Variants in PCDHA10 observed in about 807,000 individuals in gnomAD.
The protein encoded by PCDHA10 is protocadherin alpha-10.
A neutral mutation model predicts 61.2 loss-of-function variants in PCDHA10; 45 were observed. The ratio of observed to expected loss-of-function variants is 0.74; its 90% CI spans 0.58 to 0.94. The LOEUF (loss-of-function observed/expected upper bound fraction) is 0.94. Among genes scored for constraint, PCDHA10 ranks in the 40% least tolerant of loss-of-function variants. PCDHA10 has a pLI of 0.00. For synonymous variants in PCDHA10, 602 were observed against 548.8 expected (o/e 1.10, Z -1.35); for missense variants, 1,278 against 1,236.2 (o/e 1.03, Z -0.51).
intron 1 of PCDHA10, among the ~76,000 whole-genome samples, chr5:140,914,671 A>G (rs1012780806): frequency 2.6e-5 from 4 of 151,552 alleles, no homozygotes; most frequent in Non-Finnish European, 4.4e-5. Context: ...CTTCTTTTTC[A>G]TGAAAATAAT....
intron 1 of PCDHA10, among the ~76,000 whole-genome samples, chr5:140,935,339 A>G (rs1048024159): frequency 1.3e-5 from 2 of 152,180 alleles, no homozygotes; most frequent in Admixed American, 6.5e-5. Context: ...TTTCTCCCAT[A>G]CGTCAAATCC....
intron 1 of PCDHA10, chr5:140,968,903 A>G: frequency 6.2e-7 from 1 of 1,614,216 alleles, no homozygotes; most frequent in Non-Finnish European, 8.5e-7. Context: ...AATAGCATTA[A>G]GCACAGTGTC....
At chr5:140,996,355 G>A (rs1164124431) in intron 3 of PCDHA10, among the ~76,000 whole-genome samples, 1 of 152,218 alleles carries the variant, frequency 6.6e-6, no homozygotes, top group Non-Finnish European at 1.5e-5. Flanking sequence ...ACCAAAGTCA[G>A]AAGCCATTTT....
At chr5:140,863,396 G>C (rs782335492) in intron 1 of PCDHA10, 1 of 872,572 alleles carries the variant, frequency 1.1e-6, no homozygotes, top group Non-Finnish European at 1.8e-6. Context: ...TGCATGCCGG[G>C]CAAGCCCACG....
chr5:140,928,399 T>C (rs1554205848), intron 1 of PCDHA10: 1 of 1,613,926 alleles, frequency 6.2e-7, no homozygotes, highest in African/African-American at 1.3e-5. Flanking sequence ...AGTGGAATCA[T>C]CCAGTGGGGC....
In PCDHA10 at chr5:140,856,768, C is replaced by G; in HGVS notation, c.720C>G (p.Ile240Met). 1.3e-6 allele frequency: 2 copies of G among 1,596,818 alleles called. 1 individual carries two copies. The part of the protein sequence containing the change: ...LVLDANDNAP[I>M]FDRPVYEVKM... ...TAGATGCCAATGATAACGCCCCTAT[C>G]TTTGACAGACCGGTTTATGAAGTTA... The change falls in exon 1 of 4, where the codon ATC becomes ATG. Residue 240 changes from isoleucine to methionine, a missense_variant. Physicochemically the swap from Ile to Met is conservative, Grantham distance 10. Coordinates refer to ENST00000307360, the MANE Select transcript of PCDHA10 (RefSeq NM_018901.4).
At position 140,982,360 on chromosome 5, in the gene PCDHA10, A is replaced by G. The variant is rs1016027722; in HGVS notation, c.2448-115A>G. 59 of 1,527,040 alleles carry G rather than the reference A, an allele frequency of 3.9e-5. No individual in the cohort carries two copies. In the Admixed American group the frequency reaches 8.5e-4, roughly 22 times the overall value. 94.6% of individuals were successfully genotyped at this position (1,527,040 alleles called of 1,614,324 possible). ...TAATTGCTTCAGTTCAAGCATGAGC[A>G]GAATGTGTTAGCTGCAGCCCTGGCT... On this transcript the variant is annotated intron_variant, in intron 2 of 3. Coordinates refer to ENST00000307360, the MANE Select transcript of PCDHA10 (RefSeq NM_018901.4).
At chr5:140,926,129 G>C (rs2082926412) in intron 1 of PCDHA10, among the ~76,000 whole-genome samples, 1 of 152,178 alleles carries the variant, frequency 6.6e-6, no homozygotes, top group African/African-American at 2.4e-5. Flanking sequence ...ACTTCAACCC[G>C]CAGCAGGATC....
intron 1 of PCDHA10, among the ~76,000 whole-genome samples, chr5:140,936,603 C>T (rs552102837): frequency 2.0e-5 from 3 of 152,324 alleles, no homozygotes; most frequent in Admixed American, 6.5e-5. Context: ...CTACTTTCCT[C>T]GCTGCTACTG....
rs1460408085 is a variant in PCDHA10, at chr5:140,900,316, C to T, written c.2388+41880C>T. On this transcript the variant is annotated intron_variant, in intron 1 of 3. Coordinates refer to ENST00000307360, the MANE Select transcript of PCDHA10 (RefSeq NM_018901.4). ...TTTTTTTAGACAGTCTCACTTTTGT[C>T]GCCCAGGCTGGAGTACCGTGGCGCA... Among the ~76,000 whole-genome samples the T allele has an allele frequency of 1.2e-4, 18 of 152,172 alleles. No individual in the cohort carries two copies. The East Asian group carries it at 2.7e-3, about 23-fold the overall frequency.
intron 1 of PCDHA10, chr5:140,926,327 A>AGAGCGCCGGGACCC (rs1363803647): frequency 6.6e-6 from 1 of 152,258 alleles, no homozygotes; most frequent in African/African-American, 2.4e-5. Context: ...CGCCGGGGTC[A>AGAGCGCCGGGACCC]GAGCGCCGGG....
chr5:140,877,776 C>A (rs2057336039), intron 1 of PCDHA10: 3 of 1,614,032 alleles, frequency 1.9e-6, no homozygotes, highest in South Asian at 1.1e-5. Context: ...CCAAGACGGA[C>A]CTCATGGCCT....
At chr5:140,908,661 G>C (rs530751435) in intron 1 of PCDHA10, among the ~76,000 whole-genome samples, 9 of 152,306 alleles carry the variant, frequency 5.9e-5, no homozygotes, top group African/African-American at 2.2e-4. Flanking sequence ...GCCTGCCAAA[G>C]GCTCCAAATA....
chr5:140,856,314 T>C lies in PCDHA10; in HGVS notation c.266T>C (p.Ile89Thr), dbSNP rs2043919733. ...QNGILFVNSR[I>T]DREELCGRSV... ...GGCATTTTGTTTGTGAATTCTCGGATTGACCGCGAGGAGCTGTGCGGGCGG... is the reference window on the plus strand; with the variant it reads ...GGCATTTTGTTTGTGAATTCTCGGACTGACCGCGAGGAGCTGTGCGGGCGG... Residue 89 changes from isoleucine (I) to threonine (T), a missense_variant, in exon 1 of 4, where the codon ATT (isoleucine) becomes ACT (threonine). Coordinates refer to ENST00000307360, the MANE Select transcript of PCDHA10 (RefSeq NM_018901.4). The C allele has an allele frequency of 6.3e-7, 1 of 1,598,440 alleles. No homozygotes were observed. Among genetic ancestry groups the C allele is most frequent in the African/African-American group, 1.3e-5 (1 of 74,286 alleles).
intron 1 of PCDHA10, chr5:140,927,472 G>A (rs201932518): frequency 1.6e-4 from 264 of 1,614,094 alleles, no homozygotes; most frequent in Non-Finnish European, 2.0e-4. Context: ...ACTGGATCGC[G>A]AACAGCGCGC....
chr5:140,990,729 C>G (rs2097409512), intron 3 of PCDHA10, among the ~76,000 whole-genome samples: 1 of 152,134 alleles, frequency 6.6e-6, no homozygotes, highest in Non-Finnish European at 1.5e-5. Flanking sequence ...CTAGGTATAT[C>G]AACAGCCCTA....
At chr5:140,883,376 G>C in intron 1 of PCDHA10, 1 of 1,614,116 alleles carries the variant, frequency 6.2e-7, no homozygotes, top group Non-Finnish European at 8.5e-7. Context: ...CGCCATTATT[G>C]CCCTAATCAG....
chr5:140,963,529 C>T (rs1332936829), intron 1 of PCDHA10, among the ~76,000 whole-genome samples: 1 of 152,176 alleles, frequency 6.6e-6, no homozygotes, highest in Non-Finnish European at 1.5e-5. Flanking sequence ...ACAGAAGTCC[C>T]ATTTACTTCA....
At chr5:140,994,753 G>T (rs143791883) in intron 3 of PCDHA10, among the ~76,000 whole-genome samples, 6 of 152,252 alleles carry the variant, frequency 3.9e-5, no homozygotes, top group Non-Finnish European at 7.3e-5. Context: ...AGTAGGATGT[G>T]GAGAGGAAGA....
Sources: gnomAD v4.1 joint callset for allele counts (sites outside exome capture counted in the v4.1 genomes callset) on GRCh38, gnomAD v4.1.1 for gene constraint, MANE v1.5 for transcripts, NCBI Gene and HGNC (gene_info 2026-07-23, HGNC 2026-07-21) for gene names.